EPHB4: variants seen among roughly 807,000 people sequenced by gnomAD.
The protein encoded by EPHB4 is EPH receptor B4, also known as ephrin type-B receptor 4.
EPHB4 carries 50 observed loss-of-function variants against 110.6 expected under a neutral mutation model. The ratio of observed to expected loss-of-function variants is 0.45; its 90% CI spans 0.36 to 0.57. The LOEUF (loss-of-function observed/expected upper bound fraction) is 0.57. Ranked by LOEUF, EPHB4 falls within the 20% of genes least tolerant of loss-of-function variation. EPHB4 has a pLI of 0.00. For missense variants in EPHB4, 1,128 were observed against 1,382.1 expected (o/e 0.82, Z 2.91); for synonymous variants, 592 against 578.4 (o/e 1.02, Z -0.34).
rs1332189062 is a variant in EPHB4, at chr7:100,803,247, C to T, written c.*214G>A. On this transcript the variant is annotated 3_prime_UTR_variant, in exon 17 of 17. Coordinates refer to ENST00000358173, the MANE Select transcript of EPHB4 (RefSeq NM_004444.5). Reference sequence around the variant, plus strand: ...CAGTCCTGAGGGAAAGGCGCCCTCACCCTTGGTCTGGAGTTCCCCGAGGTG... The same window carrying T: ...CAGTCCTGAGGGAAAGGCGCCCTCATCCTTGGTCTGGAGTTCCCCGAGGTG... The T allele has an allele frequency of 4.0e-6, 2 of 501,968 alleles. No homozygotes were observed. The highest frequency in any genetic ancestry group is 6.7e-6 in the Non-Finnish European group (2 of 299,832). 31.1% of individuals were successfully genotyped at this position (501,968 alleles called of 1,614,324 possible).
Position 100,803,073 on chromosome 7 carries a change from C to G in EPHB4, c.*388G>C, listed in dbSNP as rs1242367694. ...GATTTTGTCACTGGGCCCTGACACC[C>G]CTTCTTGCCCCCTGGGACAGCCCCC... On this transcript the variant is annotated 3_prime_UTR_variant, in exon 17 of 17. Transcript: ENST00000358173. 1 of 161,444 alleles carries G rather than the reference C, an allele frequency of 6.2e-6. No individual in the cohort carries two copies. The highest frequency in any genetic ancestry group is 6.5e-5 in the Admixed American group (1 of 15,502). The allele number at this position is 161,444 out of a possible 1,614,324, so 10.0% of individuals were successfully genotyped here.
intron 8 of EPHB4, among the ~76,000 whole-genome samples, chr7:100,814,707 G>A (rs923386807): frequency 6.6e-6 from 1 of 151,860 alleles, no homozygotes; most frequent in Non-Finnish European, 1.5e-5. Flanking sequence ...TGATTATTAC[G>A]TCTCCATAAA....
rs1812989956 is a variant in EPHB4 at position 100,813,323 on chromosome 7, T to C, written c.1757-115A>G. On this transcript the variant is annotated intron_variant, in intron 10 of 16. Transcript: ENST00000358173. ...TCTCCGTGGTTTTTTTTTTTTTTTT[T>C]TTTTTTCCTGAGATGGAGTCTCGCT... 13 of 879,848 alleles carry C rather than the reference T, an allele frequency of 1.5e-5. No homozygotes were observed. The South Asian group carries it at 1.5e-4, about 10-fold the overall frequency. 54.5% of individuals were successfully genotyped at this position (879,848 alleles called of 1,614,324 possible). A position where few individuals can be genotyped will look rare whatever the true frequency, so the allele number is the denominator to read the frequency against.
chr7:100,824,124 C>T, intron 2 of EPHB4, 79 bp downstream of exon 2: 4 of 1,594,134 alleles, frequency 2.5e-6, no homozygotes, highest in Non-Finnish European at 2.6e-6. Flanking sequence ...AGGAGTGGCA[C>T]ACAGAAAGCA....
chr7:100,806,399 G>C (rs761253426), intron 14 of EPHB4, 21 bp downstream of exon 14: 10 of 1,603,352 alleles, frequency 6.2e-6, no homozygotes, highest in East Asian at 4.5e-5. Flanking sequence ...GGAAAGCTTG[G>C]TAGGACCACG....
intron 8 of EPHB4, among the ~76,000 whole-genome samples, chr7:100,815,362 C>T (rs1329525306): frequency 3.3e-5 from 5 of 151,882 alleles, no homozygotes; most frequent in Non-Finnish European, 7.4e-5. Context: ...AAAAAACCCA[C>T]GGATATATAC....
At chr7:100,818,858 G>C (rs1813149048) in intron 6 of EPHB4, among the ~76,000 whole-genome samples, 1 of 151,970 alleles carries the variant, frequency 6.6e-6, no homozygotes, top group Non-Finnish European at 1.5e-5. Flanking sequence ...ACCATGCCTG[G>C]CTAATTTTTT....
chr7:100,822,129 T>C lies in EPHB4; in HGVS notation c.808+142A>G. 2 of 1,236,346 alleles carry C rather than the reference T, an allele frequency of 1.6e-6. No individual in the cohort carries two copies. The highest frequency in any genetic ancestry group is 2.8e-4 in the Middle Eastern group (1 of 3,530). The allele number at this position is 1,236,346 out of a possible 1,614,324, so 76.6% of individuals were successfully genotyped here. ...TGCAGTTGAGCAGAGATTGTGCCAC[T>C]GCACTCCAGCCTGGGTGACAGAGCA... is the stretch of plus-strand genomic sequence containing the variant. On this transcript the variant is annotated intron_variant, in intron 4 of 16. Coordinates refer to ENST00000358173, the MANE Select transcript of EPHB4 (RefSeq NM_004444.5). The surrounding 1 kb of genome is among the most constrained non-coding windows in gnomAD (Gnocchi z 4.7).
At chr7:100,820,898 CAA>C (rs1584664576) in intron 4 of EPHB4, 2 of 151,508 alleles carry the variant, frequency 1.3e-5, no homozygotes, top group East Asian at 4.0e-4. Flanking sequence ...AGAAGGAGGC[CAA>C]AGAGGGCAGA....
intron 12 of EPHB4, 36 bp downstream of exon 12, chr7:100,812,711 C>T (rs1472604453): frequency 1.3e-6 from 2 of 1,592,746 alleles, no homozygotes; most frequent in Admixed American, 1.7e-5. Context: ...TAAGTGGGAA[C>T]TCCGGGTGGC....
In EPHB4 at chr7:100,813,206, T is replaced by C. The variant is rs1812982284; in HGVS notation, c.1759A>G (p.Thr587Ala). The change falls in exon 11 of 17, where the codon ACT becomes GCT. Residue 587 changes from threonine to alanine, a missense_variant and splice_region_variant. By Grantham distance (58) the Thr-to-Ala change is moderately conservative. Transcript: ENST00000358173. ...GTGAAGGGGTCGATGTAGACCTTAG[T>C]ACCTGAGAAATCAGGCAGGGCCCCG... ...KHGQYLIGHG[T>A]KVYIDPFTYE... 6.2e-7 allele frequency: 1 copy of C among 1,601,356 alleles called. No homozygotes were observed. Among genetic ancestry groups the C allele is most frequent in the African/African-American group, 1.3e-5 (1 of 74,970 alleles).
At position 100,827,295 on chromosome 7, in the gene EPHB4, T is replaced by C. The variant is rs1161927422; in HGVS notation, c.-265A>G. 1 of 150,094 alleles carries C rather than the reference T, an allele frequency of 6.7e-6. No homozygotes were observed. The highest frequency in any genetic ancestry group is 1.4e-5 in the Non-Finnish European group (1 of 69,200). 9.3% of individuals were successfully genotyped at this position (150,094 alleles called of 1,614,324 possible). A position where few individuals can be genotyped will look rare whatever the true frequency, so the allele number is the denominator to read the frequency against. On this transcript the variant is annotated 5_prime_UTR_variant, in exon 1 of 17. Transcript: ENST00000358173. ...GGCGCGCAGCAAGACGTGGCTGGAG[T>C]TGGGGTCCCTCCGGGGCCTCGGGGT...
Position 100,803,590 on chromosome 7 carries a change from C to G in EPHB4, c.2835G>C (p.Glu945Asp), listed in dbSNP as rs1812748140. Residue 945 changes from glutamate to aspartate, a missense_variant and splice_region_variant, in exon 17 of 17, where the codon GAG becomes GAC. Glu to Asp is a conservative substitution (Grantham distance 45). This residue lies in a region of EPHB4 where 209 missense variants were observed against 240.5 expected (regional missense o/e 0.87). Coordinates refer to ENST00000358173, the MANE Select transcript of EPHB4 (RefSeq NM_004444.5). ...SFELVSQISAEDLLRIGVTLA... is the reference protein window; with the variant it reads ...SFELVSQISADDLLRIGVTLA... ...GAGTGACTCCGATTCGGAGCAGGTC[C>G]CTGCAGAAGGAAAGGAGAGCTTGGT... 7 of 1,600,258 alleles carry G rather than the reference C, an allele frequency of 4.4e-6. No individual in the cohort carries two copies. The highest frequency in any genetic ancestry group is 6.0e-6 in the Non-Finnish European group (7 of 1,170,732).
At chr7:100,803,756 G>A (rs909862642) in intron 16 of EPHB4, among the ~76,000 whole-genome samples, 166 bp from the exon 17 acceptor site, 1 of 152,154 alleles carries the variant, frequency 6.6e-6, no homozygotes, top group South Asian at 2.1e-4. Flanking sequence ...TTTAAGAGCT[G>A]GGCAGCCATC....
At chr7:100,823,309 C>T (rs955332324) in intron 3 of EPHB4, among the ~76,000 whole-genome samples, 4 of 151,956 alleles carry the variant, frequency 2.6e-5, no homozygotes, top group African/African-American at 9.7e-5. Context: ...GAGACATCAC[C>T]GCTGCAAAGT....
In EPHB4 at chr7:100,805,649, C is replaced by T; in HGVS notation, c.2530G>A (p.Asp844Asn). The T allele has an allele frequency of 6.5e-7, 1 of 1,541,676 alleles. No individual in the cohort carries two copies. Among genetic ancestry groups the T allele is most frequent in the Non-Finnish European group, 8.7e-7 (1 of 1,146,952 alleles). Residue 844 changes from aspartate (D) to asparagine (N), a missense_variant, in exon 15 of 17, where the codon GAC (aspartate) becomes AAC (asparagine). By Grantham distance (23) the Asp-to-Asn change is conservative. This residue lies in a region of EPHB4 where 209 missense variants were observed against 240.5 expected (regional missense o/e 0.87). Coordinates refer to ENST00000358173, the MANE Select transcript of EPHB4 (RefSeq NM_004444.5). ...EQDYRLPPPP[D>N]CPTSLHQLML... ...AGCTGGTGGAGGGAGGTGGGACAGT[C>T]TGGGGGCGGGGGCAGCCGGTAGTCC...
In EPHB4 at chr7:100,826,966, C is replaced by CA. The variant is rs1329374001; in HGVS notation, c.52+12dup. 10 of 1,475,276 alleles carry CA rather than the reference C, an allele frequency of 6.8e-6. No individual in the cohort carries two copies. In the East Asian group the frequency reaches 2.5e-4, roughly 36 times the overall value. 91.4% of individuals were successfully genotyped at this position (1,475,276 alleles called of 1,614,324 possible). A position where few individuals can be genotyped will look rare whatever the true frequency, so the allele number is the denominator to read the frequency against. The stretch of plus-strand genomic sequence containing the variant: ...GAGTGACGGGGTGCGCCCCCCCCCG[C>CA]AAGGAAACTCACCTTCCAAAGCTGC... On this transcript the variant is annotated intron_variant, in intron 1 of 16. Coordinates refer to ENST00000358173, the MANE Select transcript of EPHB4 (RefSeq NM_004444.5).
intron 12 of EPHB4, among the ~76,000 whole-genome samples, chr7:100,811,294 G>C (rs1425391328): frequency 7.0e-6 from 1 of 142,710 alleles, no homozygotes; most frequent in African/African-American, 2.5e-5. Context: ...AAAAAAAAAA[G>C]TCAGTAAAAT....
In EPHB4 at chr7:100,823,186, G is replaced by A. The variant is rs569995780; in HGVS notation, c.411+458C>T. 1.4e-4 allele frequency among the ~76,000 whole-genome samples: 21 copies of A among 152,270 alleles called. No individual in the cohort carries two copies. In the South Asian group the frequency reaches 3.9e-3, roughly 29 times the overall value. On this transcript the variant is annotated intron_variant, in intron 3 of 16. Transcript: ENST00000358173. ...GTGCCGAGACAGGCAGGTGGACAGAGGTATGCAGGATTGTAGGGAGGAGAG... is the reference window on the plus strand; with the variant it reads ...GTGCCGAGACAGGCAGGTGGACAGAAGTATGCAGGATTGTAGGGAGGAGAG...
Sources: gnomAD v4.1 joint callset for allele counts (sites outside exome capture counted in the v4.1 genomes callset) on GRCh38, gnomAD v4.1.1 for gene constraint, gnomAD v4.1.1 regional missense constraint, Gnocchi (gnomAD v3.1) non-coding constraint, MANE v1.5 for transcripts, NCBI Gene and HGNC (gene_info 2026-07-23, HGNC 2026-07-21) for gene names.